The following ADAMTS4 variants were observed in gnomAD, a reference collection of about 807,000 sequenced individuals.
The protein encoded by ADAMTS4 is A disintegrin and metalloproteinase with thrombospondin motifs 4.
In ADAMTS4, 38 loss-of-function variants were observed where a neutral mutation model predicts 66.7. That is an observed-to-expected ratio of 0.57 (90% confidence interval 0.44 to 0.75). ADAMTS4 has a LOEUF of 0.75. Ranked by LOEUF, ADAMTS4 falls within the 30% of genes least tolerant of loss-of-function variation. The pLI is 0.00. For missense variants in ADAMTS4, 1,014 were observed against 1,116.7 expected, an observed-to-expected ratio of 0.91 and a Z score of 1.31; for synonymous variants, 418 against 461.5, an observed-to-expected ratio of 0.91 and a Z score of 1.21.
chr1:161,196,932 G>C (rs1664865384), intron 1 of ADAMTS4, 52 bp from the exon 2 acceptor site: 10 of 1,492,830 alleles, frequency 6.7e-6, no homozygotes, highest in Non-Finnish European at 9.0e-6. Context: ...CAGACCCATG[G>C]GTCGGTCGAT....
At position 161,198,422 on chromosome 1, in the gene ADAMTS4, C is replaced by A. The variant is rs749286124; in HGVS notation, c.206G>T (p.Gly69Val). 2.5e-6 allele frequency: 4 copies of A among 1,598,370 alleles called. No homozygotes were observed. The highest frequency in any genetic ancestry group is 3.4e-6 in the Non-Finnish European group (4 of 1,172,848). Residue 69 changes from glycine (G) to valine (V), a missense_variant, in exon 1 of 9, where the codon GGC becomes GTC. Coordinates refer to ENST00000367996, the MANE Select transcript of ADAMTS4 (RefSeq NM_005099.6). The surrounding 1 kb of genome is among the most constrained non-coding windows in gnomAD (Gnocchi z 4.7). ...GGCGCCCGAGCCAGGCAGGACGCTG[C>A]CGTTGAGCTTCTCTGGAAACACGAT... Reference protein sequence around the residue: ...EEIVFPEKLNGSVLPGSGAPA... With the variant: ...EEIVFPEKLNVSVLPGSGAPA...
chr1:161,198,395 G>T lies in ADAMTS4; in HGVS notation c.233C>A (p.Pro78His). ...NGSVLPGSGAPARLLCRLQAF... is the reference protein window; with the variant it reads ...NGSVLPGSGAHARLLCRLQAF... Reference sequence around the variant, plus strand: ...CTGCAAGCGGCACAACAGCCTGGCAGGGGCGCCCGAGCCAGGCAGGACGCT... The same window carrying T: ...CTGCAAGCGGCACAACAGCCTGGCATGGGCGCCCGAGCCAGGCAGGACGCT... Residue 78 changes from proline to histidine, a missense_variant, in exon 1 of 9, where the codon CCT becomes CAT. By Grantham distance (77) the Pro-to-His change is moderately conservative. Coordinates refer to ENST00000367996, the MANE Select transcript of ADAMTS4 (RefSeq NM_005099.6). The surrounding 1 kb of genome is among the most constrained non-coding windows in gnomAD (Gnocchi z 4.7). The T allele has an allele frequency of 1.9e-6, 3 of 1,610,064 alleles. No individual in the cohort carries two copies. The highest frequency in any genetic ancestry group is 4.5e-5 in the East Asian group (2 of 44,636).
At chr1:161,195,363 G>T (rs536199900) in intron 4 of ADAMTS4, 102 bp downstream of exon 4, 11 of 1,251,460 alleles carry the variant, frequency 8.8e-6, no homozygotes, top group African/African-American at 3.0e-5. Context: ...AAGCACACTT[G>T]GGGGAGGCAA....
At position 161,193,813 on chromosome 1, in the gene ADAMTS4, C is replaced by T; in HGVS notation, c.1562G>A (p.Gly521Asp). 6.2e-7 allele frequency: 1 copy of T among 1,606,896 alleles called. No homozygotes were observed. The highest frequency in any genetic ancestry group is 8.5e-7 in the Non-Finnish European group (1 of 1,176,186). Residue 521 changes from glycine (G) to aspartate (D), a missense_variant, in exon 6 of 9, where the codon GGT becomes GAT. Gly to Asp is a moderately conservative substitution (Grantham distance 94). Coordinates refer to ENST00000367996, the MANE Select transcript of ADAMTS4 (RefSeq NM_005099.6). The surrounding 1 kb of genome is among the most constrained non-coding windows in gnomAD (Gnocchi z 4.4). The stretch of plus-strand genomic sequence containing the variant: ...CCATGGTCCCCAAGGACCCCAGCCA[C>T]CAGCCTGTGGAATCTGCAAAGGCAC... ...QLQDFNIPQAGGWGPWGPWGD... is the reference protein window; with the variant it reads ...QLQDFNIPQADGWGPWGPWGD...
rs1664583517 is a variant in ADAMTS4 at position 161,188,287 on chromosome 1, G to T, written c.*2851C>A. 2.2e-5 allele frequency: 3 copies of T among 139,352 alleles called. 1 individual carries two copies. In the South Asian group the frequency reaches 6.9e-4, roughly 32 times the overall value. The allele number at this position is 139,352 out of a possible 1,614,324, so 8.6% of individuals were successfully genotyped here. The stretch of plus-strand genomic sequence containing the variant: ...GGTGTTTTGGTCTCTCACCCAGGCT[G>T]GAGTATAGTGGCATGATTGTAGCTC... On this transcript the variant is annotated 3_prime_UTR_variant, in exon 9 of 9. Transcript: ENST00000367996.
Position 161,196,777 on chromosome 1 carries a change from A to T in ADAMTS4, c.737T>A (p.Met246Lys). 3 of 1,613,016 alleles carry T rather than the reference A, an allele frequency of 1.9e-6. No individual in the cohort carries two copies. Among genetic ancestry groups the T allele is most frequent in the Non-Finnish European group, 2.5e-6 (3 of 1,180,030 alleles). Reference sequence around the variant, plus strand: ...CTTGAAGGCCTTGGCTGCTGCTGCCATCACTGTTAGCAGGTAGCGCTTTAG... The same window carrying T: ...CTTGAAGGCCTTGGCTGCTGCTGCCTTCACTGTTAGCAGGTAGCGCTTTAG... ...AGLKRYLLTVMAAAAKAFKHP... is the reference protein window; with the variant it reads ...AGLKRYLLTVKAAAAKAFKHP... Residue 246 changes from methionine (M) to lysine (K), a missense_variant, in exon 2 of 9, where the codon ATG becomes AAG. By Grantham distance (95) the Met-to-Lys change is moderately conservative. Coordinates refer to ENST00000367996, the MANE Select transcript of ADAMTS4 (RefSeq NM_005099.6).
Position 161,196,269 on chromosome 1 carries a change from C to A in ADAMTS4, c.992G>T (p.Gly331Val). 4 of 1,613,678 alleles carry A rather than the reference C, an allele frequency of 2.5e-6. No homozygotes were observed. Among genetic ancestry groups the A allele is most frequent in the Non-Finnish European group, 3.4e-6 (4 of 1,179,778 alleles). ...ACAGACGGTGCCCACATCAGCCATA[C>A]CCAGCGTGTCGCAAGTGGAGACTCC... ...LCGVSTCDTLGMADVGTVCDP... is the reference protein window; with the variant it reads ...LCGVSTCDTLVMADVGTVCDP... The change falls in exon 3 of 9, where the codon GGT (glycine) becomes GTT (valine). Residue 331 changes from glycine to valine, a missense_variant. By Grantham distance (109) the Gly-to-Val change is moderately radical. Coordinates refer to ENST00000367996, the MANE Select transcript of ADAMTS4 (RefSeq NM_005099.6).
In ADAMTS4 at chr1:161,197,398, G is replaced by T. The variant is rs138478018; in HGVS notation, c.634-518C>A. On this transcript the variant is annotated intron_variant, in intron 1 of 8. Coordinates refer to ENST00000367996, the MANE Select transcript of ADAMTS4 (RefSeq NM_005099.6). The stretch of plus-strand genomic sequence containing the variant: ...GAGGGAGGAGGGAAGGGAAGAAGGG[G>T]GAGACCAGGAGTGGGAGGGAGGAAA... The T allele has an allele frequency of 5.5e-3, 878 of 160,344 alleles. 4 individuals are homozygous for T. The highest frequency in any genetic ancestry group is 7.3e-3 in the Non-Finnish European group (540 of 73,492). 9.9% of individuals were successfully genotyped at this position (160,344 alleles called of 1,614,324 possible). A position where few individuals can be genotyped will look rare whatever the true frequency, so the allele number is the denominator to read the frequency against.
chr1:161,191,374 G>C lies in ADAMTS4; in HGVS notation c.2278C>G (p.Arg760Gly), dbSNP rs182544563. The stretch of plus-strand genomic sequence containing the variant: ...GAGGCTGCAGTGGCCCCGCTGTAGC[G>C]CAAGCTGACTGCCCCAGGCAGTACC... ...DVVLPGAVSL[R>G]YSGATAASET... The change falls in exon 9 of 9, where the codon CGC becomes GGC. Residue 760 changes from arginine to glycine, a missense_variant. Transcript: ENST00000367996. 6.2e-7 allele frequency: 1 copy of C among 1,614,022 alleles called. No homozygotes were observed. The highest frequency in any genetic ancestry group is 1.1e-5 in the South Asian group (1 of 91,088).
At position 161,198,800 on chromosome 1, in the gene ADAMTS4, C is replaced by T; in HGVS notation, c.-173G>A. On this transcript the variant is annotated 5_prime_UTR_variant, in exon 1 of 9. Transcript: ENST00000367996. This position sits in a 1 kb window ranked among gnomAD's most constrained non-coding sequence, Gnocchi z 4.7. The stretch of plus-strand genomic sequence containing the variant: ...TTAAAGGAAATGGAGAAAACTTAGT[C>T]CTTGGGCTTGGGAGAGGTGCCCAGG... The T allele has an allele frequency of 3.2e-6, 2 of 615,880 alleles. No individual in the cohort carries two copies. Among genetic ancestry groups the T allele is most frequent in the Non-Finnish European group, 5.3e-6 (2 of 374,954 alleles). 38.2% of individuals were successfully genotyped at this position (615,880 alleles called of 1,614,324 possible). A position where few individuals can be genotyped will look rare whatever the true frequency, so the allele number is the denominator to read the frequency against.
intron 7 of ADAMTS4, 118 bp from the exon 8 acceptor site, chr1:161,192,358 T>A (rs1428010558): frequency 2.5e-5 from 23 of 904,908 alleles, no homozygotes; most frequent in Non-Finnish European, 2.3e-5. Flanking sequence ...TTGGATGAAG[T>A]AGGGGATGTA....
At position 161,193,215 on chromosome 1, in the gene ADAMTS4, G is replaced by T; in HGVS notation, c.1909C>A (p.Arg637=). 6.2e-7 allele frequency: 1 copy of T among 1,611,896 alleles called. No homozygotes were observed. Among genetic ancestry groups the T allele is most frequent in the Non-Finnish European group, 8.5e-7 (1 of 1,178,806 alleles). Residue 637 remains arginine, a splice_region_variant and synonymous_variant, in exon 7 of 9, where the codon CGG becomes AGG. Transcript: ENST00000367996. The surrounding 1 kb of genome is among the most constrained non-coding windows in gnomAD (Gnocchi z 4.4). ...CCTGGGGGTGTCCTGACCCTCACCC[G>T]TGGCTCCAGCACATAGTAGTAGCCC... ...ALGYYYVLEP[R]VVDGTPCSPD...
chr1:161,194,100 T>A lies in ADAMTS4; in HGVS notation c.1383A>T (p.Pro461=). Residue 461 remains proline, a synonymous_variant, in exon 5 of 9, where the codon CCA becomes CCT. Coordinates refer to ENST00000367996, the MANE Select transcript of ADAMTS4 (RefSeq NM_005099.6). The surrounding 1 kb of genome is among the most constrained non-coding windows in gnomAD (Gnocchi z 4.1). ...LTFGPDSRHC[P]QLPPPCAALW... ...GGGCAGCACAGGGCGGCGGCAGCTG[T>A]GGACAATGGCGTGAGTCGGGCCCGA... is the stretch of plus-strand genomic sequence containing the variant. The A allele has an allele frequency of 6.2e-7, 1 of 1,614,194 alleles. No individual in the cohort carries two copies. The highest frequency in any genetic ancestry group is 8.5e-7 in the Non-Finnish European group (1 of 1,180,014).
At position 161,198,149 on chromosome 1, in the gene ADAMTS4, A is replaced by C. The variant is rs1664939086; in HGVS notation, c.479T>G (p.Leu160Arg). 2 of 1,613,814 alleles carry C rather than the reference A, an allele frequency of 1.2e-6. No individual in the cohort carries two copies. Among genetic ancestry groups the C allele is most frequent in the Admixed American group, 1.7e-5 (1 of 59,980 alleles). The change falls in exon 1 of 9, where the codon CTC becomes CGC. Residue 160 changes from leucine to arginine, a missense_variant. Transcript: ENST00000367996. The surrounding 1 kb of genome is among the most constrained non-coding windows in gnomAD (Gnocchi z 4.7). The stretch of plus-strand genomic sequence containing the variant: ...GCCTCCCTCCAGGGGCTGGAGGTGG[A>C]GTTCAGCCCCCCGATATTGTAACAC... The part of the protein sequence containing the change: ...LGVLQYRGAE[L>R]HLQPLEGGTP...
rs774066840 is a variant in ADAMTS4, at chr1:161,193,753, T to G, written c.1622A>C (p.Gln541Pro). The change falls in exon 6 of 9, where the codon CAG becomes CCG. Residue 541 changes from glutamine to proline, a missense_variant. Transcript: ENST00000367996. The surrounding 1 kb of genome is among the most constrained non-coding windows in gnomAD (Gnocchi z 4.4). The part of the protein sequence containing the change: ...DCSRTCGGGV[Q>P]FSSRDCTRPV... Reference sequence around the variant, plus strand: ...CCTCGTGCAGTCTCGGGAGGAGAACTGGACACCACCCCCACAGGTCCGAGA... The same window carrying G: ...CCTCGTGCAGTCTCGGGAGGAGAACGGGACACCACCCCCACAGGTCCGAGA... 7.4e-6 allele frequency: 12 copies of G among 1,614,046 alleles called. No individual in the cohort carries two copies. The highest frequency in any genetic ancestry group is 1.0e-5 in the Non-Finnish European group (12 of 1,179,984).
intron 3 of ADAMTS4, chr1:161,195,934 G>GACAC (rs57224018): frequency 0.022 from 9,669 of 439,024 alleles, 60 homozygotes; most frequent in Non-Finnish European, 0.027. Flanking sequence ...CACACACACA[G>GACAC]ACACACACAC....
rs1169469545 is a variant in ADAMTS4, at chr1:161,188,908, A to ATATATATATATATATATATT, written c.*2229_*2230insAATATATATATATATATATA. ...AATATATATATATATATATATATATATTTTGTATTTTTAGTAGACACGGGG... is the reference window on the plus strand; with the variant it reads ...AATATATATATATATATATATATATATATATATATATATATATATTTTTTGTATTTTTAGTAGACACGGGG... On this transcript the variant is annotated 3_prime_UTR_variant, in exon 9 of 9. Coordinates refer to ENST00000367996, the MANE Select transcript of ADAMTS4 (RefSeq NM_005099.6). The ATATATATATATATATATATT allele has an allele frequency of 7.6e-6, 1 of 131,878 alleles. No individual in the cohort carries two copies. The highest frequency in any genetic ancestry group is 2.5e-4 in the South Asian group (1 of 3,980). The allele number at this position is 131,878 out of a possible 1,614,324, so 8.2% of individuals were successfully genotyped here.
rs1035720679 is a variant in ADAMTS4, at chr1:161,184,627, G to T, written c.*6511C>A. On this transcript the variant is annotated 3_prime_UTR_variant, in exon 9 of 9. Coordinates refer to ENST00000367996, the MANE Select transcript of ADAMTS4 (RefSeq NM_005099.6). Reference sequence around the variant, plus strand: ...GATAAACAGTCAATTCTCAATGCACGATTAGGTCAATTAATATCTTTTACT... The same window carrying T: ...GATAAACAGTCAATTCTCAATGCACTATTAGGTCAATTAATATCTTTTACT... 6.6e-6 allele frequency: 1 copy of T among 152,130 alleles called. No homozygotes were observed. 9.4% of individuals were successfully genotyped at this position (152,130 alleles called of 1,614,324 possible).
intron 4 of ADAMTS4, 143 bp downstream of exon 4, chr1:161,195,322 G>A: frequency 1.2e-6 from 1 of 854,458 alleles, no homozygotes; most frequent in Non-Finnish European, 1.8e-6. Flanking sequence ...AAAGACAGCA[G>A]CATTTCTCAC....
Sources: gnomAD v4.1 joint callset for allele counts on GRCh38, gnomAD v4.1.1 for gene constraint, Gnocchi (gnomAD v3.1) non-coding constraint, MANE v1.5 for transcripts, NCBI Gene and HGNC (gene_info 2026-07-23, HGNC 2026-07-21) for gene names.